PPP1R1B: variants seen among roughly 807,000 people sequenced by gnomAD.
PPP1R1B encodes the protein protein phosphatase 1 regulatory inhibitor subunit 1B, also known as protein phosphatase 1 regulatory subunit 1B.
Under a neutral mutation model 28.2 loss-of-function variants are expected in PPP1R1B, and 13 were observed. The ratio of observed to expected loss-of-function variants is 0.46; its 90% CI spans 0.30 to 0.73. PPP1R1B has a LOEUF of 0.73. PPP1R1B is among the 30% of genes least tolerant of loss of function. The pLI, the probability that PPP1R1B is intolerant of heterozygous loss-of-function variation, is 0.07. For synonymous variants in PPP1R1B, 102 were observed against 97.5 expected (o/e 1.05, Z -0.27); for missense variants, 236 against 256.7 (o/e 0.92, Z 0.55).
chr17:39,630,400 G>A lies in PPP1R1B; in HGVS notation c.241+353G>A, dbSNP rs556889320. On this transcript the variant is annotated intron_variant, in intron 4 of 6. Coordinates refer to ENST00000254079, the MANE Select transcript of PPP1R1B (RefSeq NM_032192.4). Reference sequence around the variant, plus strand: ...CCTCCCACCCCTGCTCATCCAGGGCGCCTTCTCCTGTGGGCTTCACCCCTG... The same window carrying A: ...CCTCCCACCCCTGCTCATCCAGGGCACCTTCTCCTGTGGGCTTCACCCCTG... 1.1e-4 allele frequency: 34 copies of A among 318,152 alleles called. 1 individual carries two copies. The South Asian group carries it at 1.2e-3, about 11-fold the overall frequency. The allele number at this position is 318,152 out of a possible 1,614,324, so 19.7% of individuals were successfully genotyped here. A position where few individuals can be genotyped will look rare whatever the true frequency, so the allele number is the denominator to read the frequency against.
At chr17:39,628,991 C>G (rs891609084) in intron 1 of PPP1R1B, among the ~76,000 whole-genome samples, 179 bp from the exon 2 acceptor site, 1 of 152,172 alleles carries the variant, frequency 6.6e-6, no homozygotes, top group Admixed American at 6.5e-5. Context: ...TCTCTGAGCC[C>G]TGCTTTTTCA....
Position 39,627,081 on chromosome 17 carries a change from G to T in PPP1R1B, c.-312G>T. The T allele has an allele frequency of 2.6e-6, 1 of 386,606 alleles. No individual in the cohort carries two copies. The allele number at this position is 386,606 out of a possible 1,614,324, so 23.9% of individuals were successfully genotyped here. On this transcript the variant is annotated 5_prime_UTR_variant, in exon 1 of 7. It adds an upstream start codon to the 5' untranslated region. Transcript: ENST00000254079. ...AGACACCGAGACGCAGAGACACTCA[G>T]GAGGGGAGAGACACCGAGACGCAGA...
At chr17:39,634,249 T>C (rs2056900761) in intron 5 of PPP1R1B, among the ~76,000 whole-genome samples, 163 bp downstream of exon 5, 1 of 152,248 alleles carries the variant, frequency 6.6e-6, no homozygotes, top group Non-Finnish European at 1.5e-5. Context: ...CAGCCCTACC[T>C]GAGACATGGG....
At chr17:39,630,271 T>C in intron 4 of PPP1R1B, 2 of 538,854 alleles carry the variant, frequency 3.7e-6, no homozygotes, top group South Asian at 4.6e-5. Flanking sequence ...AACATCGGGT[T>C]GTGGGCTTGA....
chr17:39,629,565 G>T lies in PPP1R1B; in HGVS notation c.165+3G>T, dbSNP rs763269456. On this transcript the variant is annotated splice_donor_region_variant and intron_variant, in intron 3 of 6. Coordinates refer to ENST00000254079, the MANE Select transcript of PPP1R1B (RefSeq NM_032192.4). ...AGGAGGAAGCCTCCCCCCACCAGGT[G>T]AGTTTCCTGGGGCAGCTGGAAGGAG... is the stretch of plus-strand genomic sequence containing the variant. 5.6e-6 allele frequency: 9 copies of T among 1,613,680 alleles called. No homozygotes were observed. The highest frequency in any genetic ancestry group is 7.6e-6 in the Non-Finnish European group (9 of 1,179,924).
chr17:39,627,656 T>C (rs1005553623), intron 1 of PPP1R1B, among the ~76,000 whole-genome samples, 183 bp downstream of exon 1: 10 of 151,736 alleles, frequency 6.6e-5, no homozygotes, highest in Non-Finnish European at 1.3e-4. Flanking sequence ...CTCGTGCAAC[T>C]TTTCCCCGCG....
chr17:39,635,521 C>T, intron 5 of PPP1R1B, 86 bp from the exon 6 acceptor site: 1 of 1,531,028 alleles, frequency 6.5e-7, no homozygotes, highest in Non-Finnish European at 8.8e-7. Flanking sequence ...AGCTTAACCT[C>T]AGCCATCAGA....
At chr17:39,629,748 C>T (rs1196907768) in intron 3 of PPP1R1B, among the ~76,000 whole-genome samples, 186 bp downstream of exon 3, 3 of 152,238 alleles carry the variant, frequency 2.0e-5, no homozygotes, top group Non-Finnish European at 4.4e-5. Context: ...TCTGCTCAGA[C>T]TCAGGGTGGA....
chr17:39,630,759 TATGAAAA>T (rs1200132637), intron 4 of PPP1R1B, among the ~76,000 whole-genome samples: 6 of 151,908 alleles, frequency 3.9e-5, no homozygotes, highest in African/African-American at 7.3e-5. Context: ...CCCCCATCTC[TATGAAAA>T]ATTTACAAAG....
At position 39,630,163 on chromosome 17, in the gene PPP1R1B, A is replaced by G. The variant is rs949087087; in HGVS notation, c.241+116A>G. ...GTTTCGCCACACATAGCCCGCTGTC[A>G]GCGTGGCGCAACAACCCAACGTAAA... is the stretch of plus-strand genomic sequence containing the variant. On this transcript the variant is annotated intron_variant, in intron 4 of 6. Transcript: ENST00000254079. The G allele has an allele frequency of 2.5e-5, 25 of 1,014,716 alleles. No homozygotes were observed. The African/African-American group carries it at 3.7e-4, about 15-fold the overall frequency. 62.9% of individuals were successfully genotyped at this position (1,014,716 alleles called of 1,614,324 possible).
chr17:39,633,973 T>TGGGTTA lies in PPP1R1B; in HGVS notation c.332_333insGGGTTA (p.Leu111_Arg112insGlyTyr), dbSNP rs1260263052. On this transcript the variant is annotated inframe_insertion, in exon 5 of 7. Transcript: ENST00000254079. ...GAGGAGGAGGATGAGCTGGGGGAGC[T>TGGGTTA]TCGGGAGCTGGGTTATCCAAGAGAG... The TGGGTTA allele has an allele frequency of 6.2e-7, 1 of 1,613,644 alleles. No individual in the cohort carries two copies. The highest frequency in any genetic ancestry group is 8.5e-7 in the Non-Finnish European group (1 of 1,179,898).
At chr17:39,631,058 A>G (rs920702689) in intron 4 of PPP1R1B, among the ~76,000 whole-genome samples, 21 of 151,734 alleles carry the variant, frequency 1.4e-4, no homozygotes, top group Admixed American at 5.2e-4. Context: ...AAAAAGAGCA[A>G]AACTCTGTCT....
chr17:39,629,689 G>A, intron 3 of PPP1R1B, 127 bp downstream of exon 3: 1 of 967,022 alleles, frequency 1.0e-6, no homozygotes. Flanking sequence ...ATATCAATGG[G>A]CAGTCCTCTG....
chr17:39,631,710 G>C (rs1280408415), intron 4 of PPP1R1B, among the ~76,000 whole-genome samples: 1 of 152,178 alleles, frequency 6.6e-6, no homozygotes, highest in Non-Finnish European at 1.5e-5. Context: ...GCTGGGAAGG[G>C]AGGAGAGAAG....
Position 39,627,924 on chromosome 17 carries a change from G to A in PPP1R1B, c.81+451G>A, listed in dbSNP as rs1183177265. On this transcript the variant is annotated intron_variant, in intron 1 of 6. Transcript: ENST00000254079. ...AGGGCAGGAGTATGAGGCTGCCACC[G>A]GGTGAATCCACTACCCTGCCCCTCT... Among the ~76,000 whole-genome samples the A allele has an allele frequency of 2.6e-5, 4 of 152,232 alleles. No individual in the cohort carries two copies. The South Asian group carries it at 6.2e-4, about 24-fold the overall frequency.
At chr17:39,628,536 G>A in intron 1 of PPP1R1B, 1 of 985,694 alleles carries the variant, frequency 1.0e-6, no homozygotes. Flanking sequence ...GAGTTCTGCA[G>A]CCTTACAGAG....
rs2056843821 is a variant in PPP1R1B at position 39,627,223 on chromosome 17, C to T, written c.-170C>T. On this transcript the variant is annotated 5_prime_UTR_variant, in exon 1 of 7. Coordinates refer to ENST00000254079, the MANE Select transcript of PPP1R1B (RefSeq NM_032192.4). ...GCGCCCAGCCCGGGCGCCGACCCTC[C>T]TCCCGCTCCCGCGCCCTCCCCTCGG... The T allele has an allele frequency of 9.5e-6, 5 of 523,930 alleles. No individual in the cohort carries two copies. The highest frequency in any genetic ancestry group is 1.6e-5 in the Non-Finnish European group (5 of 307,510). 32.5% of individuals were successfully genotyped at this position (523,930 alleles called of 1,614,324 possible).
Position 39,635,897 on chromosome 17 carries a change from GA to G in PPP1R1B, c.*33del, listed in dbSNP as rs990936964. On this transcript the variant is annotated 3_prime_UTR_variant, in exon 7 of 7. Coordinates refer to ENST00000254079, the MANE Select transcript of PPP1R1B (RefSeq NM_032192.4). ...AGCCTGCATCTCCCAGGAGGAAGTG[GA>G]GGGGACATCGCTGTTCCCCAGAAAC... The G allele has an allele frequency of 6.2e-7, 1 of 1,609,702 alleles. No homozygotes were observed. Among genetic ancestry groups the G allele is most frequent in the African/African-American group, 1.3e-5 (1 of 74,942 alleles).
chr17:39,629,989 G>A lies in PPP1R1B; in HGVS notation c.183G>A (p.Gly61=), dbSNP rs2056864750. ...CCTGGCAGAGAGCCTCAGGAGAGGG[G>A]CACCATCTCAAGTCGAAGAGACCCA... ...ASPHQRASGE[G]HHLKSKRPNP... The change falls in exon 4 of 7, where the codon GGG becomes GGA. Residue 61 remains glycine (G), a synonymous_variant. Coordinates refer to ENST00000254079, the MANE Select transcript of PPP1R1B (RefSeq NM_032192.4). The A allele has an allele frequency of 6.2e-7, 1 of 1,614,118 alleles. No individual in the cohort carries two copies. Among genetic ancestry groups the A allele is most frequent in the Non-Finnish European group, 8.5e-7 (1 of 1,180,000 alleles).
Sources: allele counts gnomAD v4.1 joint callset (sites outside exome capture counted in the v4.1 genomes callset), GRCh38; gene constraint gnomAD v4.1.1; transcripts MANE v1.5; gene names NCBI Gene and HGNC (gene_info 2026-07-23, HGNC 2026-07-21).